The following TENM4 variants were observed in gnomAD, a reference collection of about 807,000 sequenced individuals.
TENM4 encodes the protein teneurin-4.
A neutral mutation model predicts 243.3 loss-of-function variants in TENM4; 82 were observed. The observed-to-expected ratio is 0.34, with a 90% CI of 0.28 to 0.40. The LOEUF is 0.40. TENM4 is among the 10% of genes least tolerant of loss of function. The probability of loss-of-function intolerance (pLI) is 1.00; values close to 1 mark genes in which losing one functional copy is unlikely to be tolerated. For missense variants in TENM4, 3,138 were observed against 3,673.3 expected, an observed-to-expected ratio of 0.85 and a Z score of 3.77; for synonymous variants, 1,412 against 1,456.3, an observed-to-expected ratio of 0.97 and a Z score of 0.69.
intron 15 of TENM4, among the ~76,000 whole-genome samples, chr11:78,798,243 G>A (rs1239586366): frequency 2.6e-5 from 4 of 152,098 alleles, no homozygotes; most frequent in Non-Finnish European, 5.9e-5. Context: ...ATTTTAACCC[G>A]GTTGCTACTT....
chr11:78,890,100 G>T, intron 8 of TENM4, 80 bp from the exon 9 acceptor site: 3 of 1,181,478 alleles, frequency 2.5e-6, no homozygotes, highest in Non-Finnish European at 2.3e-6. Context: ...GCCAGAGGCG[G>T]CAGTAGAAGA....
chr11:79,232,190 T>A (rs1010397784), intron 2 of TENM4, among the ~76,000 whole-genome samples: 2 of 152,252 alleles, frequency 1.3e-5, no homozygotes, highest in African/African-American at 4.8e-5. Context: ...AGCCAAGGGT[T>A]CCAACCCAGT....
At chr11:78,801,564 T>C (rs1265975348) in intron 15 of TENM4, among the ~76,000 whole-genome samples, 4 of 152,176 alleles carry the variant, frequency 2.6e-5, no homozygotes, top group Admixed American at 6.6e-5. Flanking sequence ...GCTGAGGAAC[T>C]TGTCAGCTCA....
chr11:78,760,969 C>T (rs1346609723), intron 18 of TENM4, among the ~76,000 whole-genome samples: 1 of 152,070 alleles, frequency 6.6e-6, no homozygotes, highest in Non-Finnish European at 1.5e-5. Flanking sequence ...TTTCAAAATC[C>T]ACCTGTTTCT....
intron 15 of TENM4, among the ~76,000 whole-genome samples, chr11:78,787,890 G>A (rs1206435430): frequency 1.3e-5 from 2 of 152,140 alleles, no homozygotes; most frequent in Non-Finnish European, 2.9e-5. Context: ...TCAGGCTCCA[G>A]GCCAGCAACA....
chr11:79,308,411 A>G (rs1309501335), intron 1 of TENM4, among the ~76,000 whole-genome samples: 1 of 152,222 alleles, frequency 6.6e-6, no homozygotes, highest in Non-Finnish European at 1.5e-5. Context: ...AACTATCATA[A>G]CCGTGAGGTA....
intron 2 of TENM4, among the ~76,000 whole-genome samples, chr11:79,243,828 G>A (rs1855466754): frequency 6.6e-6 from 1 of 152,252 alleles, no homozygotes; most frequent in South Asian, 2.1e-4. Flanking sequence ...GCAACTGAGA[G>A]GCAGAGCAAG....
intron 4 of TENM4, among the ~76,000 whole-genome samples, chr11:79,077,512 T>A (rs575749989): frequency 6.6e-6 from 1 of 152,358 alleles, no homozygotes; most frequent in Admixed American, 6.5e-5. Context: ...ACAATTTTTT[T>A]AACTAAAACA....
At chr11:79,088,803 T>C (rs1488499207) in intron 4 of TENM4, among the ~76,000 whole-genome samples, 2 of 152,188 alleles carry the variant, frequency 1.3e-5, no homozygotes, top group Non-Finnish European at 2.9e-5. Flanking sequence ...ACTAGAAACC[T>C]ACTATAGGCC....
intron 3 of TENM4, among the ~76,000 whole-genome samples, chr11:79,182,160 C>G (rs1469307824): frequency 6.6e-6 from 1 of 152,118 alleles, no homozygotes; most frequent in Non-Finnish European, 1.5e-5. Context: ...AGAATAAAGA[C>G]AGAGGACTGA....
intron 6 of TENM4, among the ~76,000 whole-genome samples, chr11:78,916,407 G>C (rs1442652448): frequency 6.6e-6 from 1 of 152,128 alleles, no homozygotes; most frequent in Non-Finnish European, 1.5e-5. Flanking sequence ...GGGTCTCCAA[G>C]GGCAGAAATC....
intron 21 of TENM4, 67 bp from the exon 22 acceptor site, chr11:78,729,710 T>C: frequency 6.5e-7 from 1 of 1,528,810 alleles, no homozygotes; most frequent in Non-Finnish European, 8.8e-7. Flanking sequence ...GAAGATGGCG[T>C]GGCCCCATGG....
chr11:78,873,846 T>C (rs939982304), intron 9 of TENM4, among the ~76,000 whole-genome samples: 4 of 152,070 alleles, frequency 2.6e-5, no homozygotes, highest in African/African-American at 9.7e-5. Flanking sequence ...GATTTCTCTG[T>C]CTCTTGAGCC....
At chr11:79,358,205 T>G (rs1046044536) in intron 1 of TENM4, among the ~76,000 whole-genome samples, 2 of 152,186 alleles carry the variant, frequency 1.3e-5, no homozygotes. Context: ...CTTCATCCAC[T>G]TAGTAAGCTG....
At chr11:79,418,004 T>C (rs1464417031) in intron 1 of TENM4, among the ~76,000 whole-genome samples, 2 of 152,182 alleles carry the variant, frequency 1.3e-5, no homozygotes, top group Non-Finnish European at 2.9e-5. Context: ...GAAGGCCCTT[T>C]TCCTACAGTA....
chr11:78,875,279 C>A (rs112213400), intron 9 of TENM4, among the ~76,000 whole-genome samples: 55 of 152,260 alleles, frequency 3.6e-4, no homozygotes, highest in African/African-American at 1.3e-3. Context: ...CCCAGGCTCA[C>A]TGCAATCTCT....
intron 1 of TENM4, among the ~76,000 whole-genome samples, chr11:79,425,097 C>T (rs1050767257): frequency 9.2e-5 from 14 of 152,180 alleles, no homozygotes; most frequent in Non-Finnish European, 1.3e-4. Context: ...GGCGTACCCT[C>T]CTGCTTTTCT....
At chr11:79,045,558 T>C (rs925764625) in intron 6 of TENM4, among the ~76,000 whole-genome samples, 2 of 152,140 alleles carry the variant, frequency 1.3e-5, no homozygotes, top group African/African-American at 4.8e-5. Flanking sequence ...CTGACAGGTC[T>C]GCAGTGGAGG....
chr11:78,894,736 T>A (rs1694159952), intron 7 of TENM4, among the ~76,000 whole-genome samples: 1 of 152,188 alleles, frequency 6.6e-6, no homozygotes, highest in Admixed American at 6.5e-5. Context: ...CTCACACTTG[T>A]AATCCCAGCA....
Sources: gnomAD v4.1 joint callset for allele counts (sites outside exome capture counted in the v4.1 genomes callset) on GRCh38, gnomAD v4.1.1 for gene constraint, MANE v1.5 for transcripts, NCBI Gene and HGNC (gene_info 2026-07-23, HGNC 2026-07-21) for gene names.